Variants in GRIA1 observed in about 807,000 individuals in gnomAD.
GRIA1 encodes the protein glutamate ionotropic receptor AMPA type subunit 1, also known as glutamate receptor 1.
GRIA1 carries 31 observed loss-of-function variants against 99.2 expected under a neutral mutation model. The ratio of observed to expected loss-of-function variants is 0.31; its 90% confidence interval spans 0.23 to 0.42. The LOEUF is 0.42. GRIA1 is among the 10% of genes least tolerant of loss of function. GRIA1 has a pLI of 1.00. For missense variants in GRIA1, 782 were observed against 1,157.5 expected (o/e 0.68, Z 4.71); for synonymous variants, 438 against 432.4 (o/e 1.01, Z -0.16).
Position 153,532,669 on chromosome 5 carries a change from T to C in GRIA1, c.220+38604T>C, listed in dbSNP as rs569623031. ...CACCCACCAGGCTCACTGGATCACA[T>C]TGTCACCCTAGCCCCTGTGGGCATC... On this transcript the variant is annotated intron_variant, in intron 2 of 15. Transcript: ENST00000285900. Among the ~76,000 whole-genome samples, 16 of 152,280 alleles carry C rather than the reference T, an allele frequency of 1.1e-4. No homozygotes were observed. In the South Asian group the frequency reaches 3.3e-3, roughly 32 times the overall value.
chr5:153,567,461 T>C (rs935598111), intron 2 of GRIA1, among the ~76,000 whole-genome samples: 6 of 152,222 alleles, frequency 3.9e-5, no homozygotes, highest in Admixed American at 3.3e-4. Flanking sequence ...GTTGTAGCTG[T>C]CCTGTGCAAA....
chr5:153,504,107 C>T (rs544948545), intron 2 of GRIA1, among the ~76,000 whole-genome samples: 7 of 152,158 alleles, frequency 4.6e-5, no homozygotes, highest in African/African-American at 1.7e-4. Flanking sequence ...CTGAATATGA[C>T]ACAGTGGCCA....
intron 13 of GRIA1, among the ~76,000 whole-genome samples, chr5:153,778,190 A>T (rs548482284): frequency 1.9e-3 from 263 of 141,638 alleles, no homozygotes; most frequent in African/African-American, 6.9e-3. Context: ...AGAGAGAGAG[A>T]GAGTGTGTGT....
chr5:153,490,561 C>A, upstream of GRIA1: 1 of 405,208 alleles, frequency 2.5e-6, no homozygotes, highest in Admixed American at 3.8e-5. Flanking sequence ...AGGGGGAGAG[C>A]GAGAGAGAGC....
chr5:153,629,365 A>C (rs1257162596), intron 2 of GRIA1, among the ~76,000 whole-genome samples: 5 of 152,208 alleles, frequency 3.3e-5, no homozygotes, highest in African/African-American at 1.2e-4. Context: ...TGAAGTGAGA[A>C]GATTGGAAAC....
At chr5:153,671,197 T>A (rs1165536596) in intron 5 of GRIA1, among the ~76,000 whole-genome samples, 1 of 152,162 alleles carries the variant, frequency 6.6e-6, no homozygotes, top group Non-Finnish European at 1.5e-5. Flanking sequence ...TTGAGTGGCA[T>A]TTATGTTGAG....
intron 2 of GRIA1, among the ~76,000 whole-genome samples, chr5:153,501,561 A>G (rs1467128770): frequency 6.6e-6 from 1 of 152,218 alleles, no homozygotes; most frequent in Non-Finnish European, 1.5e-5. Flanking sequence ...AAGGGTTTTA[A>G]GCAGAGAAGT....
rs187458452 is a variant in GRIA1, at chr5:153,681,866, T to A, written c.1030-4359T>A. ...CTGGCCAACATAGTGAAACCCTGTC[T>A]CTACTAAAAATACAAAAAGTTAGCG... is the stretch of plus-strand genomic sequence containing the variant. On this transcript the variant is annotated intron_variant, in intron 7 of 15. Coordinates refer to ENST00000285900, the MANE Select transcript of GRIA1 (RefSeq NM_000827.4). Among the ~76,000 whole-genome samples the A allele has an allele frequency of 5.6e-3, 846 of 152,152 alleles. 13 individuals are homozygous for A. Among genetic ancestry groups the A allele is most frequent in the African/African-American group, 0.019 (808 of 41,508 alleles).
intron 2 of GRIA1, among the ~76,000 whole-genome samples, chr5:153,571,214 A>G (rs1261477799): frequency 1.3e-5 from 2 of 152,142 alleles, no homozygotes; most frequent in African/African-American, 4.8e-5. Flanking sequence ...CTATATCCAG[A>G]TATTTGCCGA....
chr5:153,581,324 A>C (rs1006695019), intron 2 of GRIA1, among the ~76,000 whole-genome samples: 2 of 152,206 alleles, frequency 1.3e-5, no homozygotes, highest in Non-Finnish European at 2.9e-5. Flanking sequence ...TTCCATCATG[A>C]ATAGAATCCA....
chr5:153,528,416 A>C (rs1274375706), intron 2 of GRIA1, among the ~76,000 whole-genome samples: 1 of 152,120 alleles, frequency 6.6e-6, no homozygotes, highest in Non-Finnish European at 1.5e-5. Flanking sequence ...CCTCACTTTT[A>C]AGGGTACAGG....
chr5:153,676,886 A>C, intron 6 of GRIA1, 108 bp from the exon 7 acceptor site: 1 of 843,976 alleles, frequency 1.2e-6, no homozygotes, highest in East Asian at 3.0e-5. Context: ...CATCTGGCCC[A>C]CTGCACACCC....
intron 13 of GRIA1, among the ~76,000 whole-genome samples, chr5:153,794,378 A>G (rs1765502866): frequency 6.6e-6 from 1 of 152,252 alleles, no homozygotes; most frequent in Non-Finnish European, 1.5e-5. Flanking sequence ...TGCTTTCAAA[A>G]TACCCAACTT....
chr5:153,515,083 G>C (rs1261808721), intron 2 of GRIA1, among the ~76,000 whole-genome samples: 1 of 152,128 alleles, frequency 6.6e-6, no homozygotes, highest in African/African-American at 2.4e-5. Context: ...GAATTATCAT[G>C]ATTCAACCAA....
chr5:153,587,453 G>T (rs1242267494), intron 2 of GRIA1, among the ~76,000 whole-genome samples: 2 of 152,140 alleles, frequency 1.3e-5, no homozygotes, highest in Non-Finnish European at 2.9e-5. Context: ...TTACAGCAGT[G>T]CAAGAACAGC....
chr5:153,784,905 A>G (rs1561858646), intron 13 of GRIA1, among the ~76,000 whole-genome samples: 1 of 152,158 alleles, frequency 6.6e-6, no homozygotes, highest in Admixed American at 6.5e-5. Flanking sequence ...AAATTCAGCC[A>G]TGCTTTTCCT....
chr5:153,806,243 CT>C lies in GRIA1; in HGVS notation c.2520+3761del, dbSNP rs543260481. On this transcript the variant is annotated intron_variant, in intron 15 of 15. Transcript: ENST00000285900. ...CCATTATCACAGTATTTGGTCCACTCTTTTTTTTCTTTATTTTTTCATTTTA... is the reference window on the plus strand; with the variant it reads ...CCATTATCACAGTATTTGGTCCACTCTTTTTTTCTTTATTTTTTCATTTTA... Among the ~76,000 whole-genome samples the C allele has an allele frequency of 4.6e-4, 70 of 152,016 alleles. 1 individual carries two copies. In the East Asian group the frequency reaches 0.013, roughly 28 times the overall value.
At chr5:153,788,852 T>A (rs1405410127) in intron 13 of GRIA1, among the ~76,000 whole-genome samples, 1 of 152,226 alleles carries the variant, frequency 6.6e-6, no homozygotes. Context: ...TAGATGTCCC[T>A]TCTATAAAAT....
At chr5:153,746,535 G>A (rs988246686) in intron 11 of GRIA1, among the ~76,000 whole-genome samples, 2 of 152,124 alleles carry the variant, frequency 1.3e-5, no homozygotes. Context: ...TCAAATGCCA[G>A]AGATATGTTT....
Sources: allele counts gnomAD v4.1 joint callset (sites outside exome capture counted in the v4.1 genomes callset), GRCh38; gene constraint gnomAD v4.1.1; transcripts MANE v1.5; gene names NCBI Gene and HGNC (gene_info 2026-07-23, HGNC 2026-07-21).